Variants in KSR2 observed in about 807,000 individuals in gnomAD.
The protein encoded by KSR2 is kinase suppressor of ras 2.
KSR2 carries 25 observed loss-of-function variants against 107.8 expected under a neutral mutation model. The observed-to-expected ratio is 0.23, with a 90% CI of 0.17 to 0.32. The LOEUF is 0.32. KSR2 is among the 10% of genes least tolerant of loss of function. KSR2 has a pLI of 1.00. For missense variants in KSR2, 887 were observed against 1,268.9 expected (o/e 0.70, Z 4.57); for synonymous variants, 480 against 507.0 (o/e 0.95, Z 0.71).
chr12:117,812,438 T>A (rs891024643), intron 3 of KSR2, among the ~76,000 whole-genome samples: 2 of 152,218 alleles, frequency 1.3e-5, no homozygotes, highest in African/African-American at 4.8e-5. Flanking sequence ...TGCTTTATAT[T>A]TCTATTAGAG....
At chr12:117,618,494 C>A (rs1297189880) in intron 5 of KSR2, among the ~76,000 whole-genome samples, 1 of 152,008 alleles carries the variant, frequency 6.6e-6, no homozygotes, top group East Asian at 1.9e-4. Context: ...TCCTTTCTTT[C>A]TGGAGTCATG....
At position 117,761,251 on chromosome 12, in the gene KSR2, G is replaced by T; in HGVS notation, c.746C>A (p.Pro249His). Reference protein sequence around the residue: ...PPLESGHRSLPPSPRQRHAVR... With the variant: ...PPLESGHRSLHPSPRQRHAVR... The stretch of plus-strand genomic sequence containing the variant: ...CGCGTGCCGCTGCCGGGGCGATGGG[G>T]GCAGGGAACGGTGGCCCGACTCCAG... Residue 249 changes from proline to histidine, a missense_variant, in exon 4 of 20, where the codon CCC becomes CAC. Around this residue, in one of 8 missense-constraint regions of KSR2, gnomAD observed 399 missense variants for 479.5 expected, o/e 0.83. Transcript: ENST00000339824. 1 of 1,538,120 alleles carries T rather than the reference G, an allele frequency of 6.5e-7. No homozygotes were observed. Among genetic ancestry groups the T allele is most frequent in the South Asian group, 1.3e-5 (1 of 78,120 alleles).
intron 4 of KSR2, among the ~76,000 whole-genome samples, chr12:117,707,354 G>A (rs769378733): frequency 3.3e-5 from 5 of 152,036 alleles, no homozygotes; most frequent in African/African-American, 7.2e-5. Flanking sequence ...GTTAATATAC[G>A]AAAAAACCAT....
At chr12:117,579,977 G>C (rs1765726132) in intron 6 of KSR2, among the ~76,000 whole-genome samples, 3 of 152,152 alleles carry the variant, frequency 2.0e-5, no homozygotes, top group Non-Finnish European at 4.4e-5. Context: ...GCAGCAGCAG[G>C]ACTGGGCCCA....
intron 3 of KSR2, among the ~76,000 whole-genome samples, chr12:117,826,417 C>T (rs1473894784): frequency 6.6e-6 from 1 of 151,850 alleles, no homozygotes; most frequent in African/African-American, 2.4e-5. Flanking sequence ...GTTATACTGT[C>T]TTTGATAAGC....
At chr12:117,833,894 C>T (rs992749305) in intron 3 of KSR2, among the ~76,000 whole-genome samples, 4 of 151,520 alleles carry the variant, frequency 2.6e-5, no homozygotes, top group Non-Finnish European at 5.9e-5. Context: ...TTTGGGAGGC[C>T]GAGGCAGGCG....
intron 14 of KSR2, among the ~76,000 whole-genome samples, chr12:117,506,078 G>A (rs895373525): frequency 6.6e-6 from 1 of 152,124 alleles, no homozygotes; most frequent in Admixed American, 6.5e-5. Flanking sequence ...ATGAATGACT[G>A]GACAAGTGAA....
chr12:117,894,678 G>C (rs890054344), intron 1 of KSR2, among the ~76,000 whole-genome samples: 7 of 149,886 alleles, frequency 4.7e-5, no homozygotes, highest in African/African-American at 7.4e-5. Context: ...TTGAAAGTGC[G>C]TAGCACTTCC....
chr12:117,530,907 T>G, intron 12 of KSR2, 34 bp downstream of exon 12: 1 of 1,594,428 alleles, frequency 6.3e-7, no homozygotes, highest in East Asian at 2.2e-5. Flanking sequence ...CTGGGAAGCT[T>G]GGGAAAGGGG....
chr12:117,788,422 C>A (rs1593236872), intron 3 of KSR2, among the ~76,000 whole-genome samples: 1 of 152,180 alleles, frequency 6.6e-6, no homozygotes, highest in Non-Finnish European at 1.5e-5. Flanking sequence ...CTATAACCCT[C>A]CCCTGGAGAT....
intron 1 of KSR2, chr12:117,889,572 T>C (rs1361415265): frequency 6.6e-6 from 1 of 152,038 alleles, no homozygotes. Context: ...GGGGCCATAG[T>C]GTCAGCACAG....
intron 1 of KSR2, among the ~76,000 whole-genome samples, chr12:117,931,222 T>A (rs114195385): frequency 0.047 from 7,167 of 152,126 alleles, 324 homozygotes; most frequent in Middle Eastern, 0.12. Context: ...GAAGCAAGCA[T>A]AAGACACAGA....
At chr12:117,776,726 C>T (rs915443658) in intron 3 of KSR2, among the ~76,000 whole-genome samples, 7 of 152,002 alleles carry the variant, frequency 4.6e-5, no homozygotes, top group African/African-American at 1.4e-4. Context: ...CCGGGTTCCA[C>T]GGTGGCTTGG....
intron 5 of KSR2, among the ~76,000 whole-genome samples, chr12:117,622,096 T>A (rs1018971042): frequency 6.6e-6 from 1 of 152,078 alleles, no homozygotes; most frequent in Admixed American, 6.6e-5. Context: ...GGCAAACTCT[T>A]GATGGGGCAG....
chr12:117,571,123 T>A (rs1400008810), intron 7 of KSR2, among the ~76,000 whole-genome samples: 2 of 152,002 alleles, frequency 1.3e-5, no homozygotes, highest in Non-Finnish European at 2.9e-5. Context: ...CCGGACATGG[T>A]GGTGGGCACT....
At chr12:117,884,683 G>A (rs1409886842) in intron 1 of KSR2, among the ~76,000 whole-genome samples, 1 of 152,174 alleles carries the variant, frequency 6.6e-6, no homozygotes, top group Non-Finnish European at 1.5e-5. Context: ...AATCTAGCAA[G>A]AGCATTACAA....
chr12:117,721,728 G>A (rs1421232351), intron 4 of KSR2, among the ~76,000 whole-genome samples: 1 of 152,222 alleles, frequency 6.6e-6, no homozygotes, highest in Non-Finnish European at 1.5e-5. Context: ...CCCTAGGGGT[G>A]TCTACAAGAA....
intron 4 of KSR2, among the ~76,000 whole-genome samples, chr12:117,677,875 C>T (rs530315794): frequency 6.6e-6 from 1 of 152,278 alleles, no homozygotes; most frequent in East Asian, 1.9e-4. Flanking sequence ...TGAATATTAA[C>T]AACAAGCCTT....
At chr12:117,705,508 G>T (rs1246373851) in intron 4 of KSR2, among the ~76,000 whole-genome samples, 2 of 152,186 alleles carry the variant, frequency 1.3e-5, no homozygotes, top group Non-Finnish European at 2.9e-5. Flanking sequence ...CCTAGCAGAG[G>T]TCTCTAACCC....
Sources: gnomAD v4.1 joint callset for allele counts (sites outside exome capture counted in the v4.1 genomes callset) on GRCh38, gnomAD v4.1.1 for gene constraint, gnomAD v4.1.1 regional missense constraint, MANE v1.5 for transcripts, NCBI Gene and HGNC (gene_info 2026-07-23, HGNC 2026-07-21) for gene names.